The following STAT2 variants were observed in gnomAD, a reference collection of about 807,000 sequenced individuals.
STAT2 encodes interferon alpha induced transcriptional activator.
Under a neutral mutation model 122.3 loss-of-function variants are expected in STAT2, and 51 were observed. The ratio of observed to expected loss-of-function variants is 0.42; its 90% CI spans 0.33 to 0.53. STAT2 has a LOEUF of 0.53. Among genes scored for constraint, STAT2 ranks in the 20% least tolerant of loss-of-function variants. The pLI is 0.10. For missense variants in STAT2, 736 were observed against 1,010.3 expected (o/e 0.73, Z 3.68); for synonymous variants, 351 against 394.9 (o/e 0.89, Z 1.32).
chr12:56,347,482 C>T (rs554986308), intron 19 of STAT2, among the ~76,000 whole-genome samples: 3 of 151,628 alleles, frequency 2.0e-5, no homozygotes, highest in East Asian at 1.9e-4. Context: ...TGAGCAACCA[C>T]GCCTGGCCAC....
chr12:56,351,050 G>A (rs149855546), intron 10 of STAT2, 48 bp downstream of exon 10: 1 of 1,600,632 alleles, frequency 6.2e-7, no homozygotes, highest in African/African-American at 1.3e-5. Context: ...AAAATACACA[G>A]TGGCAGGGTT....
intron 22 of STAT2, 123 bp from the exon 23 acceptor site, chr12:56,344,258 G>A: frequency 7.4e-7 from 1 of 1,358,120 alleles, no homozygotes; most frequent in Non-Finnish European, 9.7e-7. Flanking sequence ...GCATGGGTTT[G>A]GAATCAGGCC....
In STAT2 at chr12:56,348,999, T is replaced by G; in HGVS notation, c.1501A>C (p.Ser501Arg). The stretch of plus-strand genomic sequence containing the variant: ...CCAACATAGGAGGAGAACTGCCAAC[T>G]GAGAGCAGGGCCCAGCAAGCTCCAG... ...APWSLLGPAL[S>R]WQFSSYVGRG... Residue 501 changes from serine (S) to arginine (R), a missense_variant, in exon 17 of 24, where the codon AGT becomes CGT. Ser to Arg is a moderately radical substitution (Grantham distance 110). Transcript: ENST00000314128. 1.2e-6 allele frequency: 2 copies of G among 1,613,952 alleles called. No homozygotes were observed. Among genetic ancestry groups the G allele is most frequent in the Non-Finnish European group, 1.7e-6 (2 of 1,179,974 alleles).
intron 8 of STAT2, among the ~76,000 whole-genome samples, chr12:56,353,116 TG>T (rs1413462720): frequency 6.6e-6 from 1 of 152,114 alleles, no homozygotes; most frequent in Non-Finnish European, 1.5e-5. Context: ...CCTGAGTAGC[TG>T]GGAATACAGG....
rs756557788 is a variant in STAT2 at position 56,351,344 on chromosome 12, C to T, written c.889G>A (p.Val297Met). 6.2e-7 allele frequency: 1 copy of T among 1,614,174 alleles called. No homozygotes were observed. Among genetic ancestry groups the T allele is most frequent in the Admixed American group, 1.7e-5 (1 of 60,016 alleles). The change falls in exon 9 of 24, where the codon GTG becomes ATG. Residue 297 changes from valine (V) to methionine (M), a missense_variant. Physicochemically the swap from Val to Met is conservative, Grantham distance 21 (BLOSUM62 1). Coordinates refer to ENST00000314128, the MANE Select transcript of STAT2 (RefSeq NM_005419.4). Reference sequence around the variant, plus strand: ...GTGACCTGGGCGTTGCGTAGGTCCACCCCTTTGGTCAGAGGGTCATCCTGA... The same window carrying T: ...GTGACCTGGGCGTTGCGTAGGTCCATCCCTTTGGTCAGAGGGTCATCCTGA... Reference protein sequence around the residue: ...SYQDDPLTKGVDLRNAQVTEL... With the variant: ...SYQDDPLTKGMDLRNAQVTEL...
rs540221109 is a variant in STAT2 at position 56,350,186 on chromosome 12, G to A, written c.1120C>T (p.Arg374Trp). The change falls in exon 13 of 24, where the codon CGG (arginine) becomes TGG (tryptophan). Residue 374 changes from arginine to tryptophan, a missense_variant. Arg to Trp is a moderately radical substitution (Grantham distance 101, BLOSUM62 -3). Transcript: ENST00000314128. ...DRNPPQLQGF[R>W]KFNILTSNQK... ...TTTGAAGTCAGAATGTTGAACTTCC[G>A]GAAGCTGTTCCAGGAGGAAGATACA... is the stretch of plus-strand genomic sequence containing the variant. The A allele has an allele frequency of 6.2e-6, 10 of 1,610,636 alleles. No individual in the cohort carries two copies. Among genetic ancestry groups the A allele is most frequent in the South Asian group, 3.3e-5 (3 of 91,004 alleles).
intron 22 of STAT2, 103 bp downstream of exon 22, chr12:56,346,043 A>G: frequency 1.2e-6 from 2 of 1,601,654 alleles, no homozygotes; most frequent in Non-Finnish European, 8.5e-7. Flanking sequence ...GCTGACCATC[A>G]TCCTGGTGCT....
At chr12:56,350,216 G>T in intron 12 of STAT2, 26 bp from the exon 13 acceptor site, 1 of 1,548,020 alleles carries the variant, frequency 6.5e-7, no homozygotes, top group African/African-American at 1.4e-5. Flanking sequence ...GATACATGGA[G>T]ACAAGGAATG....
At chr12:56,357,390 G>T (rs1403309948) in intron 1 of STAT2, among the ~76,000 whole-genome samples, 3 of 151,814 alleles carry the variant, frequency 2.0e-5, no homozygotes, top group Non-Finnish European at 4.4e-5. Flanking sequence ...GCCCAGGCTG[G>T]AGTGCAGTGG....
Position 56,350,137 on chromosome 12 carries a change from T to A in STAT2, c.1169A>T (p.Lys390Met). ...TSNQKTLTPEKGQSQGLIWDF... is the reference protein window; with the variant it reads ...TSNQKTLTPEMGQSQGLIWDF... ...CCAAATCAAACCCTGACTCTGCCCC[T>A]TCTCGGGGGTCAAAGTTTTCTGGTT... The change falls in exon 13 of 24, where the codon AAG becomes ATG. Residue 390 changes from lysine to methionine, a missense_variant. Physicochemically the swap from Lys to Met is moderately conservative, Grantham distance 95. Transcript: ENST00000314128. The A allele has an allele frequency of 6.2e-7, 1 of 1,613,052 alleles. No individual in the cohort carries two copies. The highest frequency in any genetic ancestry group is 8.5e-7 in the Non-Finnish European group (1 of 1,179,794).
chr12:56,348,176 C>A (rs1877823842), intron 19 of STAT2, among the ~76,000 whole-genome samples: 1 of 148,154 alleles, frequency 6.7e-6, no homozygotes, highest in Non-Finnish European at 1.5e-5. Context: ...CAAGCTCCAT[C>A]TCCCAGGTTC....
chr12:56,346,166 C>T lies in STAT2; in HGVS notation c.2082G>A (p.Arg694=). The T allele has an allele frequency of 6.2e-7, 1 of 1,614,148 alleles. No homozygotes were observed. Among genetic ancestry groups the T allele is most frequent in the Non-Finnish European group, 8.5e-7 (1 of 1,180,030 alleles). Residue 694 remains arginine (R), a synonymous_variant, in exon 22 of 24, where the codon AGG becomes AGA. Coordinates refer to ENST00000314128, the MANE Select transcript of STAT2 (RefSeq NM_005419.4). The part of the protein sequence containing the change: ...LQERRKYLKH[R]LIVVSNRQVD... The stretch of plus-strand genomic sequence containing the variant: ...CTCACCTATTAGAGACCACAATGAG[C>T]CTGTGTTTCAGGTATTTCCTCCGTT...
In STAT2 at chr12:56,354,435, C is replaced by T. The variant is rs758522040; in HGVS notation, c.782+31G>A. 1.2e-5 allele frequency: 19 copies of T among 1,613,382 alleles called. 1 individual carries two copies. The highest frequency in any genetic ancestry group is 5.0e-5 in the Admixed American group (3 of 59,972). ...GCAACTTACAAATCACAGCGCATGGCGAGGACGAGGGTTGGGGTGGTACCT... is the reference window on the plus strand; with the variant it reads ...GCAACTTACAAATCACAGCGCATGGTGAGGACGAGGGTTGGGGTGGTACCT... On this transcript the variant is annotated intron_variant, in intron 8 of 23. Coordinates refer to ENST00000314128, the MANE Select transcript of STAT2 (RefSeq NM_005419.4).
In STAT2 at chr12:56,341,676, A is replaced by G. The variant is rs1876615262; in HGVS notation, c.*1713T>C. On this transcript the variant is annotated 3_prime_UTR_variant, in exon 24 of 24. Coordinates refer to ENST00000314128, the MANE Select transcript of STAT2 (RefSeq NM_005419.4). ...TGAACAGGACTGTTCCTCTGACATAACAGACAAGAAACAGCCACCTGTGCA... is the reference window on the plus strand; with the variant it reads ...TGAACAGGACTGTTCCTCTGACATAGCAGACAAGAAACAGCCACCTGTGCA... The G allele has an allele frequency of 6.6e-6, 1 of 152,236 alleles. No homozygotes were observed. Among genetic ancestry groups the G allele is most frequent in the Admixed American group, 6.5e-5 (1 of 15,280 alleles). The allele number at this position is 152,236 out of a possible 1,614,324, so 9.4% of individuals were successfully genotyped here. A position where few individuals can be genotyped will look rare whatever the true frequency, so the allele number is the denominator to read the frequency against.
Position 56,346,920 on chromosome 12 carries a change from C to G in STAT2, c.1760G>C (p.Arg587Pro). The change falls in exon 20 of 24, where the codon CGC (arginine) becomes CCC (proline). Residue 587 changes from arginine (R) to proline (P), a missense_variant. Coordinates refer to ENST00000314128, the MANE Select transcript of STAT2 (RefSeq NM_005419.4). ...AGACATGGTCTTCTTCAGCAGCCGG[C>G]GCTCCTGGCTCCGACTCACAAAGCC... ...IMGFVSRSQE[R>P]RLLKKTMSGT... is the part of the protein sequence containing the mutation. 1 of 1,614,168 alleles carries G rather than the reference C, an allele frequency of 6.2e-7. No homozygotes were observed. Among genetic ancestry groups the G allele is most frequent in the Non-Finnish European group, 8.5e-7 (1 of 1,180,026 alleles).
chr12:56,348,400 C>A, intron 19 of STAT2, 129 bp downstream of exon 19: 3 of 928,116 alleles, frequency 3.2e-6, no homozygotes, highest in South Asian at 3.1e-5. Context: ...TTATTGTTAA[C>A]AAATGTGAGG....
At position 56,350,197 on chromosome 12, in the gene STAT2, CAGG is replaced by C. The variant is rs1727191043; in HGVS notation, c.1116-10_1116-8del. On this transcript the variant is annotated splice_region_variant and splice_polypyrimidine_tract_variant and intron_variant, in intron 12 of 23. Coordinates refer to ENST00000314128, the MANE Select transcript of STAT2 (RefSeq NM_005419.4). ...AATGTTGAACTTCCGGAAGCTGTTC[CAGG>C]AGGAAGATACATGGAGACAAGGAAT... 1 of 1,604,758 alleles carries C rather than the reference CAGG, an allele frequency of 6.2e-7. No individual in the cohort carries two copies.
rs1306053909 is a variant in STAT2 at position 56,355,612 on chromosome 12, G to A, written c.382-80C>T. 7.6e-6 allele frequency: 12 copies of A among 1,587,202 alleles called. No individual in the cohort carries two copies. In the Admixed American group the frequency reaches 1.2e-4, roughly 15 times the overall value. ...CAGGCCTGAAATTATACCACAGGAT[G>A]TCGGGGGGATCCTGTTCTGAGACAA... On this transcript the variant is annotated intron_variant, in intron 4 of 23. Coordinates refer to ENST00000314128, the MANE Select transcript of STAT2 (RefSeq NM_005419.4).
chr12:56,355,167 G>A, intron 6 of STAT2, 109 bp downstream of exon 6: 2 of 1,269,332 alleles, frequency 1.6e-6, no homozygotes, highest in Non-Finnish European at 2.3e-6. Flanking sequence ...TAGTCAGTGG[G>A]GTGTGTCTGA....
Sources: gnomAD v4.1 joint callset for allele counts (sites outside exome capture counted in the v4.1 genomes callset) on GRCh38, gnomAD v4.1.1 for gene constraint, MANE v1.5 for transcripts, NCBI Gene and HGNC (gene_info 2026-07-23, HGNC 2026-07-21) for gene names.